LMO7: variants seen among roughly 807,000 people sequenced by gnomAD.
LMO7 encodes LIM domain only protein 7.
In LMO7, 120 loss-of-function variants were observed where a neutral mutation model predicts 206.5. That is an observed-to-expected ratio of 0.58 (90% CI 0.50 to 0.68). LMO7 has a LOEUF of 0.68. Ranked by LOEUF, LMO7 falls within the 30% of genes least tolerant of loss-of-function variation. The pLI, the probability that LMO7 is intolerant of heterozygous loss-of-function variation, is 0.00. For missense variants in LMO7, 1,959 were observed against 1,957.9 expected, an observed-to-expected ratio of 1.00 and a Z score of -0.01; for synonymous variants, 706 against 681.5, an observed-to-expected ratio of 1.04 and a Z score of -0.56.
intron 1 of LMO7, among the ~76,000 whole-genome samples, chr13:75,659,027 A>G (rs1460581005): frequency 7.4e-6 from 1 of 135,034 alleles, no homozygotes; most frequent in Non-Finnish European, 1.6e-5. Context: ...AAATAATCAG[A>G]GTTTTATCTC....
chr13:75,777,321 A>C (rs1213810929), intron 4 of LMO7, among the ~76,000 whole-genome samples: 1 of 152,236 alleles, frequency 6.6e-6, no homozygotes, highest in Admixed American at 6.5e-5. Context: ...ACCTGCTTTA[A>C]CCAGCAAACC....
rs111322262 is a variant in LMO7, at chr13:75,835,319, T to C, written c.3313T>C (p.Ser1105Pro). 4 of 1,603,928 alleles carry C rather than the reference T, an allele frequency of 2.5e-6. No homozygotes were observed. Among genetic ancestry groups the C allele is most frequent in the Non-Finnish European group, 3.4e-6 (4 of 1,174,992 alleles). ...AAATCTATCTGTAACAACTGATTTC[T>C]CCGAAAGCCTTCAGAGTTCTGTGAG... Reference protein sequence around the residue: ...SSNLSVTTDFSESLQSSNIES... With the variant: ...SSNLSVTTDFPESLQSSNIES... Residue 1105 changes from serine (S) to proline (P), a missense_variant, in exon 18 of 31, where the codon TCC (serine) becomes CCC (proline). Coordinates refer to ENST00000377534, the MANE Select transcript of LMO7 (RefSeq NM_001306080.2).
intron 3 of LMO7, among the ~76,000 whole-genome samples, chr13:75,738,566 C>G (rs2139099896): frequency 6.6e-6 from 1 of 152,140 alleles, no homozygotes; most frequent in Admixed American, 6.5e-5. Flanking sequence ...TGTTCTCTAT[C>G]TCTTCTTTCT....
chr13:75,766,480 T>C (rs1223320428), intron 4 of LMO7, among the ~76,000 whole-genome samples: 5 of 151,690 alleles, frequency 3.3e-5, no homozygotes, highest in Non-Finnish European at 7.4e-5. Context: ...ATAATGAGCA[T>C]TGATTCAGCA....
At chr13:75,632,861 A>ATTTTTTTTTTTTTTTTTTTTT (rs1339104269), upstream of LMO7, among the ~76,000 whole-genome samples, 19 of 30,526 alleles carry the variant, frequency 6.2e-4, no homozygotes, top group South Asian at 1.9e-3. Context: ...ATTACTTAAA[A>ATTTTTTTTTTTTTTTTTTTTT]GTTTTTTTTT....
At chr13:75,825,878 TG>T (rs1756034909) in intron 15 of LMO7, among the ~76,000 whole-genome samples, 3 of 152,318 alleles carry the variant, frequency 2.0e-5, no homozygotes, top group Admixed American at 2.0e-4. Context: ...GAGTAGCATG[TG>T]GCTGATCATC....
intron 4 of LMO7, among the ~76,000 whole-genome samples, chr13:75,762,444 G>C (rs143931519): frequency 3.3e-5 from 5 of 152,152 alleles, no homozygotes; most frequent in African/African-American, 1.2e-4. Context: ...GTTGATGCTT[G>C]TTAAGCGTTA....
At chr13:75,634,217 T>C (rs2035430746), upstream of LMO7, among the ~76,000 whole-genome samples, 1 of 151,626 alleles carries the variant, frequency 6.6e-6, no homozygotes, top group Non-Finnish European at 1.5e-5. Flanking sequence ...GCAGGAGGAC[T>C]GCTTGAGGTC....
At chr13:75,721,832 A>G (rs1464162988) in intron 2 of LMO7, among the ~76,000 whole-genome samples, 1 of 152,244 alleles carries the variant, frequency 6.6e-6, no homozygotes, top group Admixed American at 6.5e-5. Flanking sequence ...GTCATTGTTT[A>G]AACAAAAATC....
chr13:75,684,997 G>C (rs997589234), intron 1 of LMO7, among the ~76,000 whole-genome samples: 3 of 152,132 alleles, frequency 2.0e-5, no homozygotes, highest in Non-Finnish European at 4.4e-5. Flanking sequence ...ATTGCGATTT[G>C]TTGGGTTAAC....
intron 10 of LMO7, among the ~76,000 whole-genome samples, 180 bp from the exon 11 acceptor site, chr13:75,808,974 A>G (rs898765044): frequency 5.3e-5 from 8 of 152,164 alleles, no homozygotes; most frequent in African/African-American, 1.9e-4. Flanking sequence ...GCTTAATCTG[A>G]ATTTCCTGAG....
chr13:75,775,513 A>AT (rs1198734177), intron 4 of LMO7, among the ~76,000 whole-genome samples: 1 of 152,098 alleles, frequency 6.6e-6, no homozygotes, highest in East Asian at 1.9e-4. Context: ...AAATAAATAA[A>AT]AATAATAGAG....
intron 17 of LMO7, 80 bp from the exon 18 acceptor site, chr13:75,835,153 C>T (rs111631528): frequency 1.3e-6 from 2 of 1,577,320 alleles, no homozygotes; most frequent in Non-Finnish European, 1.7e-6. Context: ...GCCAATCAGA[C>T]TGGGGCAAAG....
chr13:75,815,157 G>A (rs113748367), intron 11 of LMO7, among the ~76,000 whole-genome samples: 2 of 152,172 alleles, frequency 1.3e-5, no homozygotes, highest in Admixed American at 6.5e-5. Flanking sequence ...CTAGGTGGGT[G>A]ATGTGATGTG....
intron 11 of LMO7, 89 bp from the exon 12 acceptor site, chr13:75,817,072 G>T (rs1447141603): frequency 1.2e-6 from 1 of 858,014 alleles, no homozygotes; most frequent in Admixed American, 2.0e-5. Flanking sequence ...AAATTTAGGT[G>T]GAATTTCCAA....
chr13:75,677,927 A>G (rs1248207866), intron 1 of LMO7, among the ~76,000 whole-genome samples: 2 of 151,848 alleles, frequency 1.3e-5, no homozygotes, highest in African/African-American at 2.4e-5. Flanking sequence ...TTTGCTGAGA[A>G]TGATGGTTTC....
chr13:75,760,357 G>A (rs1440761537), intron 3 of LMO7: 17 of 1,007,512 alleles, frequency 1.7e-5, no homozygotes, highest in Non-Finnish European at 2.0e-5. Context: ...TGAACACTAG[G>A]TTTCTCCTCA....
At chr13:75,733,035 T>G (rs2045418011) in intron 3 of LMO7, among the ~76,000 whole-genome samples, 1 of 152,140 alleles carries the variant, frequency 6.6e-6, no homozygotes, top group African/African-American at 2.4e-5. Flanking sequence ...CTGCCCCTAC[T>G]GGGGGGTGCC....
At chr13:75,757,040 A>G (rs1390739675) in intron 3 of LMO7, among the ~76,000 whole-genome samples, 1 of 152,180 alleles carries the variant, frequency 6.6e-6, no homozygotes, top group Non-Finnish European at 1.5e-5. Context: ...TGTGTAACCA[A>G]CAGGATGTTG....
Sources: gnomAD v4.1 joint callset for allele counts (sites outside exome capture counted in the v4.1 genomes callset) on GRCh38, gnomAD v4.1.1 for gene constraint, MANE v1.5 for transcripts, NCBI Gene and HGNC (gene_info 2026-07-23, HGNC 2026-07-21) for gene names.